Variants in OLA1 observed in about 807,000 individuals in gnomAD.
OLA1 encodes the protein Obg like ATPase 1.
A neutral mutation model predicts 48.4 loss-of-function variants in OLA1; 14 were observed. The observed-to-expected ratio is 0.29, with a 90% CI of 0.19 to 0.45. The LOEUF (loss-of-function observed/expected upper bound fraction) is 0.45, where lower values mean the gene tolerates loss of function less well. OLA1 is among the 20% of genes least tolerant of loss of function. The probability of loss-of-function intolerance (pLI) is 1.00; values close to 1 mark genes in which losing one functional copy is unlikely to be tolerated. For missense variants in OLA1, 325 were observed against 467.1 expected (o/e 0.70, Z 2.80); for synonymous variants, 127 against 150.4 (o/e 0.84, Z 1.14).
chr2:174,140,015 C>T (rs760012715), intron 5 of OLA1, among the ~76,000 whole-genome samples: 7 of 151,904 alleles, frequency 4.6e-5, no homozygotes, highest in African/African-American at 7.3e-5. Flanking sequence ...AAGTCTTTCA[C>T]GCTTATTGAC....
chr2:174,123,672 T>C lies in OLA1; in HGVS notation c.553A>G (p.Ile185Val). 6.5e-7 allele frequency: 1 copy of C among 1,548,300 alleles called. No individual in the cohort carries two copies. The highest frequency in any genetic ancestry group is 1.2e-5 in the South Asian group (1 of 83,404). Reference protein sequence around the residue: ...GDKKLKPEYDIMCKVKSWVID... With the variant: ...GDKKLKPEYDVMCKVKSWVID... Reference sequence around the variant, plus strand: ...ACCCAGGATTTTACTTTGCACATTATATCCTACACATGATTGAGAAAAAGG... The same window carrying C: ...ACCCAGGATTTTACTTTGCACATTACATCCTACACATGATTGAGAAAAAGG... Residue 185 changes from isoleucine (I) to valine (V), a missense_variant, in exon 6 of 11, where the codon ATA becomes GTA. Ile to Val is a conservative substitution (Grantham distance 29). Transcript: ENST00000284719.
At chr2:174,205,281 A>G (rs1373099556) in intron 4 of OLA1, among the ~76,000 whole-genome samples, 1 of 152,232 alleles carries the variant, frequency 6.6e-6, no homozygotes, top group Non-Finnish European at 1.5e-5. Context: ...GCCTATATAT[A>G]CAAAAATGGG....
At chr2:174,077,142 T>C (rs999056850) in intron 10 of OLA1, among the ~76,000 whole-genome samples, 17 of 152,044 alleles carry the variant, frequency 1.1e-4, no homozygotes, top group African/African-American at 4.1e-4. Flanking sequence ...ACAAGACACG[T>C]CTAACCAGTT....
intron 4 of OLA1, among the ~76,000 whole-genome samples, chr2:174,193,413 G>A (rs954772935): frequency 1.3e-5 from 2 of 152,112 alleles, no homozygotes; most frequent in African/African-American, 4.8e-5. Flanking sequence ...TTCAATGATT[G>A]CTTTATCCCT....
chr2:174,122,169 A>G (rs1433528258), intron 7 of OLA1, among the ~76,000 whole-genome samples: 1 of 152,232 alleles, frequency 6.6e-6, no homozygotes, highest in African/African-American at 2.4e-5. Flanking sequence ...TAAAGAGGCT[A>G]AATTCATCTT....
chr2:174,201,559 T>C (rs1305823309), intron 4 of OLA1, among the ~76,000 whole-genome samples: 2 of 152,154 alleles, frequency 1.3e-5, no homozygotes, highest in East Asian at 1.9e-4. Flanking sequence ...CACTATGTTG[T>C]CCTGGCTGGA....
In OLA1 at chr2:174,223,745, T is replaced by C. The variant is rs562273092; in HGVS notation, c.246-585A>G. On this transcript the variant is annotated intron_variant, in intron 3 of 10. Coordinates refer to ENST00000284719, the MANE Select transcript of OLA1 (RefSeq NM_013341.5). ...ACAGGCTGTCTGGGTTTGCATTTGA[T>C]CACCCACATGTTATATAGACAAAAA... Among the ~76,000 whole-genome samples, 5 of 118,282 alleles carry C rather than the reference T, an allele frequency of 4.2e-5. No homozygotes were observed. In the South Asian group the frequency reaches 1.4e-3, roughly 33 times the overall value. The allele number at this position is 118,282 out of a possible 152,430, so 77.6% of individuals were successfully genotyped here.
chr2:174,221,008 T>C (rs1688488090), intron 4 of OLA1, among the ~76,000 whole-genome samples: 1 of 152,208 alleles, frequency 6.6e-6, no homozygotes, highest in Non-Finnish European at 1.5e-5. Flanking sequence ...AGTCTTTTTT[T>C]CTGACTATAA....
intron 7 of OLA1, among the ~76,000 whole-genome samples, chr2:174,119,444 T>C (rs1187584897): frequency 1.3e-5 from 2 of 152,164 alleles, no homozygotes; most frequent in African/African-American, 4.8e-5. Context: ...TATATTTATA[T>C]GCATATATGT....
chr2:174,100,073 T>C (rs2105351935), intron 7 of OLA1, among the ~76,000 whole-genome samples: 1 of 152,358 alleles, frequency 6.6e-6, no homozygotes, highest in East Asian at 1.9e-4. Context: ...TTAATGTATC[T>C]TATTTTTTAA....
At chr2:174,101,344 A>C (rs1391346179) in intron 7 of OLA1, among the ~76,000 whole-genome samples, 3 of 152,222 alleles carry the variant, frequency 2.0e-5, no homozygotes, top group Non-Finnish European at 4.4e-5. Flanking sequence ...TGCTGATTTT[A>C]AAAGCTGGGT....
At chr2:174,087,037 T>C (rs1684997215) in intron 7 of OLA1, among the ~76,000 whole-genome samples, 1 of 151,382 alleles carries the variant, frequency 6.6e-6, no homozygotes, top group Admixed American at 6.6e-5. Flanking sequence ...TTTTCTTTTT[T>C]TTTTTTTTGA....
rs1167933908 is a variant in OLA1 at position 174,081,915 on chromosome 2, C to T, written c.869+9G>A. 1 of 1,609,824 alleles carries T rather than the reference C, an allele frequency of 6.2e-7. No homozygotes were observed. The highest frequency in any genetic ancestry group is 1.3e-5 in the African/African-American group (1 of 74,800). ...TAATAAAGTGTAGGGAAAATGAATG[C>T]TAATTAACCTTTGTGTCATGTTCGC... On this transcript the variant is annotated intron_variant, in intron 8 of 10. Coordinates refer to ENST00000284719, the MANE Select transcript of OLA1 (RefSeq NM_013341.5).
chr2:174,240,144 T>C (rs1688961864), intron 2 of OLA1: 1 of 152,182 alleles, frequency 6.6e-6, no homozygotes, highest in Non-Finnish European at 1.5e-5. Flanking sequence ...TTTTTCCATA[T>C]GGGTCTTACT....
chr2:174,078,570 T>A (rs1425961893), intron 10 of OLA1, among the ~76,000 whole-genome samples: 1 of 151,988 alleles, frequency 6.6e-6, no homozygotes, highest in Admixed American at 6.6e-5. Context: ...GAACAGCTTT[T>A]ATTTAACTAA....
chr2:174,075,741 A>C (rs1248678835), intron 10 of OLA1, among the ~76,000 whole-genome samples: 1 of 152,172 alleles, frequency 6.6e-6, no homozygotes, highest in Non-Finnish European at 1.5e-5. Context: ...TATATACATA[A>C]TCATAATGTA....
chr2:174,077,364 A>G (rs1215417575), intron 10 of OLA1, among the ~76,000 whole-genome samples: 1 of 151,736 alleles, frequency 6.6e-6, no homozygotes, highest in Non-Finnish European at 1.5e-5. Context: ...ATACATACAT[A>G]CACACACATA....
At chr2:174,129,909 A>C (rs1160280473) in intron 5 of OLA1, among the ~76,000 whole-genome samples, 2 of 152,148 alleles carry the variant, frequency 1.3e-5, no homozygotes, top group Non-Finnish European at 2.9e-5. Flanking sequence ...CCTTCAGGAA[A>C]ACCTGTCACC....
chr2:174,163,087 A>C (rs946279510), intron 4 of OLA1, among the ~76,000 whole-genome samples: 1 of 152,148 alleles, frequency 6.6e-6, no homozygotes, highest in Non-Finnish European at 1.5e-5. Context: ...AACTGGAAGA[A>C]GACTGTAACA....
Sources: allele counts gnomAD v4.1 joint callset (sites outside exome capture counted in the v4.1 genomes callset), GRCh38; gene constraint gnomAD v4.1.1; transcripts MANE v1.5; gene names NCBI Gene and HGNC (gene_info 2026-07-23, HGNC 2026-07-21).